The following TIMP2 variants were observed in gnomAD, a reference collection of about 807,000 sequenced individuals.
The protein encoded by TIMP2 is metalloproteinase inhibitor 2.
TIMP2 carries 5 observed loss-of-function variants against 24.3 expected under a neutral mutation model. The ratio of observed to expected loss-of-function variants is 0.21; its 90% confidence interval spans 0.11 to 0.43. The LOEUF (loss-of-function observed/expected upper bound fraction) is 0.43. TIMP2 is among the 20% of genes least tolerant of loss of function. The pLI is 1.00. For synonymous variants in TIMP2, 130 were observed against 123.2 expected (o/e 1.06, Z -0.37); for missense variants, 221 against 297.5 (o/e 0.74, Z 1.89).
intron 1 of TIMP2, chr17:78,890,907 G>A (rs2069880809): frequency 1.3e-6 from 2 of 1,550,624 alleles, no homozygotes; most frequent in Middle Eastern, 1.7e-4. Flanking sequence ...GCTTTGTAGT[G>A]GATTTCCAAG....
intron 3 of TIMP2, among the ~76,000 whole-genome samples, chr17:78,862,397 G>T (rs1485519441): frequency 6.6e-6 from 1 of 152,254 alleles, no homozygotes; most frequent in African/African-American, 2.4e-5. Context: ...TGGGAAAGAA[G>T]TCAGATGAGA....
At chr17:78,862,017 C>T (rs1354466763) in intron 3 of TIMP2, among the ~76,000 whole-genome samples, 2 of 152,152 alleles carry the variant, frequency 1.3e-5, no homozygotes, top group African/African-American at 2.4e-5. Flanking sequence ...TGTCTGTCTC[C>T]GAGAAAAGCG....
intron 1 of TIMP2, chr17:78,904,589 C>T (rs927236167): frequency 1.3e-5 from 2 of 152,234 alleles, no homozygotes; most frequent in Admixed American, 6.5e-5. Context: ...ACCACCACCC[C>T]CCTACCCCCG....
chr17:78,867,371 C>T (rs1237834254), intron 3 of TIMP2, among the ~76,000 whole-genome samples: 1 of 152,078 alleles, frequency 6.6e-6, no homozygotes, highest in African/African-American at 2.4e-5. Flanking sequence ...GTCTTGATGA[C>T]CGAGATACCC....
chr17:78,902,027 C>T, intron 1 of TIMP2: 1 of 548,600 alleles, frequency 1.8e-6, no homozygotes, highest in Non-Finnish European at 3.3e-6. Context: ...CCATGACACG[C>T]TGTGTGCTGC....
Position 78,924,284 on chromosome 17 carries a change from C to G in TIMP2, c.130+675G>C, listed in dbSNP as rs760563192. 1.8e-4 allele frequency among the ~76,000 whole-genome samples: 27 copies of G among 152,218 alleles called. 1 individual carries two copies. The highest frequency in any genetic ancestry group is 3.2e-3 in the Middle Eastern group (1 of 316). On this transcript the variant is annotated intron_variant, in intron 1 of 4. Coordinates refer to ENST00000262768, the MANE Select transcript of TIMP2 (RefSeq NM_003255.5). This position sits in a 1 kb window ranked among gnomAD's most constrained non-coding sequence, Gnocchi z 5.3. ...CACCAAAGTCTCCAGCTTTTGTGGA[C>G]GTCCCGAAAAAGCGGAACATTCGGG...
chr17:78,885,415 G>A (rs1022082945), intron 1 of TIMP2, among the ~76,000 whole-genome samples: 3 of 152,218 alleles, frequency 2.0e-5, no homozygotes, highest in Non-Finnish European at 2.9e-5. Context: ...GATCCTCACC[G>A]CTGCTGGCAT....
At chr17:78,919,960 C>CCTGCCA (rs1191177794) in intron 1 of TIMP2, among the ~76,000 whole-genome samples, 22 of 152,296 alleles carry the variant, frequency 1.4e-4, no homozygotes, top group African/African-American at 5.3e-4. Context: ...CCCTCCTGCC[C>CCTGCCA]CTGCCACTGC....
intron 1 of TIMP2, among the ~76,000 whole-genome samples, chr17:78,917,116 G>A (rs1190064941): frequency 6.6e-6 from 1 of 152,070 alleles, no homozygotes; most frequent in African/African-American, 2.4e-5. Flanking sequence ...GCCGGGCGTA[G>A]TGGCGGGCGC....
intron 3 of TIMP2, among the ~76,000 whole-genome samples, chr17:78,869,404 G>C (rs2069650674): frequency 8.5e-6 from 1 of 117,804 alleles, no homozygotes; most frequent in South Asian, 2.8e-4. Context: ...AACAGAGCAA[G>C]ACTTTGTCTC....
chr17:78,870,395 G>T (rs976180658), intron 3 of TIMP2, among the ~76,000 whole-genome samples: 1 of 143,714 alleles, frequency 7.0e-6, no homozygotes, highest in Admixed American at 7.3e-5. Context: ...CAGCCTGGGC[G>T]ACAGAGCGAC....
intron 3 of TIMP2, among the ~76,000 whole-genome samples, chr17:78,865,817 G>C (rs2069608799): frequency 1.3e-5 from 2 of 152,056 alleles, no homozygotes; most frequent in Non-Finnish European, 2.9e-5. Context: ...CAAACAGAGA[G>C]CTTCAGCATG....
intron 3 of TIMP2, among the ~76,000 whole-genome samples, chr17:78,867,493 A>T (rs1206317603): frequency 3.3e-5 from 5 of 151,816 alleles, no homozygotes; most frequent in Non-Finnish European, 7.4e-5. Context: ...CCTCCCTGCA[A>T]TGACCTCCTC....
At chr17:78,857,179 G>A (rs1190028422) in intron 4 of TIMP2, 4 of 254,570 alleles carry the variant, frequency 1.6e-5, no homozygotes, top group African/African-American at 6.6e-5. Context: ...GTAGAGACAG[G>A]GTTTCGCCAT....
At chr17:78,858,475 C>T (rs2069543084) in intron 3 of TIMP2, among the ~76,000 whole-genome samples, 1 of 151,840 alleles carries the variant, frequency 6.6e-6, no homozygotes, top group African/African-American at 2.4e-5. Context: ...GAAAAAAATT[C>T]CCTACTTTCA....
At chr17:78,898,924 G>C (rs2070044727) in intron 1 of TIMP2, 1 of 152,232 alleles carries the variant, frequency 6.6e-6, no homozygotes, top group African/African-American at 2.4e-5. Flanking sequence ...TTTTAGTAGA[G>C]ATAGGGTTTC....
intron 1 of TIMP2, chr17:78,897,095 AC>A (rs3833175): frequency 0.16 from 97,910 of 627,596 alleles, 12,710 homozygotes; most frequent in African/African-American, 0.54. Context: ...CACAGACAGC[AC>A]CCCCCCGCCC....
Position 78,920,108 on chromosome 17 carries a change from ACTGCATCGAGTCAGTGGTT to A in TIMP2, c.130+4832_130+4850del, listed in dbSNP as rs2070298111. 6.6e-6 allele frequency among the ~76,000 whole-genome samples: 1 copy of A among 151,982 alleles called. No homozygotes were observed. Among genetic ancestry groups the A allele is most frequent in the African/African-American group, 2.4e-5 (1 of 41,376 alleles). ...ACGTTCACCCCTACACACGACCCCC[ACTGCATCGAGTCAGTGGTT>A]CTGCATCAGGACTGGAGACGGCTGC... On this transcript the variant is annotated intron_variant, in intron 1 of 4. Coordinates refer to ENST00000262768, the MANE Select transcript of TIMP2 (RefSeq NM_003255.5). The surrounding 1 kb of genome is among the most constrained non-coding windows in gnomAD (Gnocchi z 4.5).
rs201129500 is a variant in TIMP2, at chr17:78,893,527, GTTTA to G, written c.131-19612_131-19609del. Among the ~76,000 whole-genome samples the G allele has an allele frequency of 7.6e-3, 1,119 of 147,178 alleles. 14 individuals carry two copies. The highest frequency in any genetic ancestry group is 0.029 in the African/African-American group (1,075 of 36,712). On this transcript the variant is annotated intron_variant, in intron 1 of 4. Coordinates refer to ENST00000262768, the MANE Select transcript of TIMP2 (RefSeq NM_003255.5). ...CAGGGGTGTGTGCGTGTGCACATCT[GTTTA>G]TGTTTCTGTGCACATGCCTGCACAT...
Sources: gnomAD v4.1 joint callset for allele counts (sites outside exome capture counted in the v4.1 genomes callset) on GRCh38, gnomAD v4.1.1 for gene constraint, Gnocchi (gnomAD v3.1) non-coding constraint, MANE v1.5 for transcripts, NCBI Gene and HGNC (gene_info 2026-07-23, HGNC 2026-07-21) for gene names.